IPO11: variants seen among roughly 807,000 people sequenced by gnomAD.
IPO11 encodes importin-11.
In IPO11, 66 loss-of-function variants were observed where a neutral mutation model predicts 143.2. The ratio of observed to expected loss-of-function variants is 0.46; its 90% CI spans 0.38 to 0.57. IPO11 has a LOEUF of 0.57. Among genes scored for constraint, IPO11 ranks in the 20% least tolerant of loss-of-function variants. The pLI, the probability that IPO11 is intolerant of heterozygous loss-of-function variation, is 0.00. For synonymous variants in IPO11, 385 were observed against 377.8 expected (o/e 1.02, Z -0.22); for missense variants, 1,026 against 1,141.0 (o/e 0.90, Z 1.45).
intron 29 of IPO11, among the ~76,000 whole-genome samples, chr5:62,621,011 C>T (rs1464957351): frequency 1.3e-5 from 2 of 152,104 alleles, no homozygotes; most frequent in Non-Finnish European, 2.9e-5. Context: ...AGAATGAGTA[C>T]GAGTAGTTTA....
At chr5:62,600,118 A>G (rs1225759648) in intron 28 of IPO11, among the ~76,000 whole-genome samples, 1 of 152,206 alleles carries the variant, frequency 6.6e-6, no homozygotes, top group Non-Finnish European at 1.5e-5. Flanking sequence ...GGCTCACTGC[A>G]ACCTCCACCT....
At chr5:62,501,533 AATTT>A (rs1268339311) in intron 16 of IPO11, among the ~76,000 whole-genome samples, 3 of 152,134 alleles carry the variant, frequency 2.0e-5, no homozygotes, top group African/African-American at 7.2e-5. Flanking sequence ...AAAGGAGATG[AATTT>A]ATTTATTTAT....
At chr5:62,471,070 T>G (rs565212353) in intron 7 of IPO11, among the ~76,000 whole-genome samples, 2 of 151,828 alleles carry the variant, frequency 1.3e-5, no homozygotes, top group African/African-American at 4.8e-5. Context: ...TCAAGTGATC[T>G]GCCCTTTTTG....
Position 62,476,706 on chromosome 5 carries a change from G to T in IPO11, c.781G>T (p.Val261Leu). 1.3e-6 allele frequency: 2 copies of T among 1,521,932 alleles called. No individual in the cohort carries two copies. Among genetic ancestry groups the T allele is most frequent in the Non-Finnish European group, 1.8e-6 (2 of 1,133,016 alleles). The allele number at this position is 1,521,932 out of a possible 1,614,324, so 94.3% of individuals were successfully genotyped here. A position where few individuals can be genotyped will look rare whatever the true frequency, so the allele number is the denominator to read the frequency against. The change falls in exon 9 of 30, where the codon GTG becomes TTG. Residue 261 changes from valine to leucine, a missense_variant. Physicochemically the swap from Val to Leu is conservative, Grantham distance 32. Coordinates refer to ENST00000325324, the MANE Select transcript of IPO11 (RefSeq NM_016338.5). Reference sequence around the variant, plus strand: ...AGGTAGAAGTATAGGTACAGATAATGTGTGTAGAGATAGACTGGAAAAGAC... The same window carrying T: ...AGGTAGAAGTATAGGTACAGATAATTTGTGTAGAGATAGACTGGAAAAGAC... ...ECSRSIGTDN[V>L]CRDRLEKTII...
intron 28 of IPO11, among the ~76,000 whole-genome samples, chr5:62,593,161 T>G (rs1242309465): frequency 1.7e-5 from 2 of 114,680 alleles, no homozygotes; most frequent in African/African-American, 7.8e-5. Flanking sequence ...GTTCTAGATT[T>G]TGCTTTAATA....
Position 62,484,048 on chromosome 5 carries a change from A to G in IPO11, c.1060A>G (p.Met354Val), listed in dbSNP as rs1172406937. Residue 354 changes from methionine to valine, a missense_variant, in exon 11 of 30, where the codon ATG (methionine) becomes GTG (valine). Around this residue, in one of 5 missense-constraint regions of IPO11, gnomAD observed 429 missense variants for 456.3 expected, o/e 0.94. Coordinates refer to ENST00000325324, the MANE Select transcript of IPO11 (RefSeq NM_016338.5). ...PETLEAHKIK[M>V]AFFTYPTLTE... The stretch of plus-strand genomic sequence containing the variant: ...AACTCTTGAAGCCCATAAGATTAAG[A>G]TGGCATTCTTCACATATCCTACTTT... 6.2e-7 allele frequency: 1 copy of G among 1,609,206 alleles called. No individual in the cohort carries two copies. The highest frequency in any genetic ancestry group is 8.5e-7 in the Non-Finnish European group (1 of 1,178,500).
chr5:62,543,996 TTGAG>T (rs1181714420), intron 24 of IPO11, among the ~76,000 whole-genome samples: 9 of 152,294 alleles, frequency 5.9e-5, no homozygotes, highest in African/African-American at 2.2e-4. Flanking sequence ...TTGAGCGGTT[TTGAG>T]TGAGTGAGTT....
At chr5:62,457,701 A>C (rs1425464176) in intron 5 of IPO11, among the ~76,000 whole-genome samples, 1 of 152,048 alleles carries the variant, frequency 6.6e-6, no homozygotes, top group Non-Finnish European at 1.5e-5. Flanking sequence ...TTGCAGACTT[A>C]CTCCTTGTCA....
chr5:62,468,732 C>T (rs1745653109), intron 6 of IPO11, among the ~76,000 whole-genome samples: 1 of 152,174 alleles, frequency 6.6e-6, no homozygotes, highest in Non-Finnish European at 1.5e-5. Context: ...TTTACTATAT[C>T]TTTGCCTGCC....
chr5:62,518,445 A>C (rs1742098270), intron 20 of IPO11, among the ~76,000 whole-genome samples: 1 of 145,602 alleles, frequency 6.9e-6, no homozygotes, highest in Non-Finnish European at 1.5e-5. Context: ...CTCTGTCTCA[A>C]AAAAAAAAAA....
In IPO11 at chr5:62,435,190, G is replaced by GTGTA. The variant is rs1561309153; in HGVS notation, c.-6-2083_-6-2082insGTAT. On this transcript the variant is annotated intron_variant, in intron 1 of 29. Transcript: ENST00000325324. ...TATATATGTATATATGTATATATATGTATATATATGTATATATATGTGTAT... is the reference window on the plus strand; with the variant it reads ...TATATATGTATATATGTATATATATGTGTATATATATATGTATATATATGTGTAT... Among the ~76,000 whole-genome samples, 12 of 101,760 alleles carry GTGTA rather than the reference G, an allele frequency of 1.2e-4. 1 individual carries two copies. The East Asian group carries it at 2.4e-3, about 20-fold the overall frequency. The allele number at this position is 101,760 out of a possible 152,430, so 66.8% of individuals were successfully genotyped here. A position where few individuals can be genotyped will look rare whatever the true frequency, so the allele number is the denominator to read the frequency against.
chr5:62,524,046 TTTAA>T (rs1196913757), intron 20 of IPO11, among the ~76,000 whole-genome samples: 1 of 152,162 alleles, frequency 6.6e-6, no homozygotes, highest in African/African-American at 2.4e-5. Flanking sequence ...TTCTCCCCTC[TTTAA>T]TTATTCCTGG....
At chr5:62,561,495 AT>A in intron 27 of IPO11, among the ~76,000 whole-genome samples, 1 of 151,900 alleles carries the variant, frequency 6.6e-6, no homozygotes, top group South Asian at 2.1e-4. Context: ...CATTTTACAA[AT>A]TTATTTCATT....
At chr5:62,518,262 G>A (rs969762171) in intron 20 of IPO11, among the ~76,000 whole-genome samples, 6 of 152,052 alleles carry the variant, frequency 3.9e-5, no homozygotes, top group Admixed American at 1.3e-4. Context: ...TGGCCAACAT[G>A]GTGAAACCCC....
intron 27 of IPO11, among the ~76,000 whole-genome samples, chr5:62,586,110 T>C (rs1744761325): frequency 6.6e-6 from 1 of 152,150 alleles, no homozygotes; most frequent in African/African-American, 2.4e-5. Flanking sequence ...TACTTAGGGT[T>C]ACAGAGCTTA....
intron 11 of IPO11, 66 bp downstream of exon 11, chr5:62,484,228 A>G: frequency 7.5e-7 from 1 of 1,337,780 alleles, no homozygotes; most frequent in Non-Finnish European, 1.0e-6. Context: ...TGTTTGAGTG[A>G]TAGGTATAAT....
chr5:62,470,458 G>T, intron 7 of IPO11, 150 bp downstream of exon 7: 1 of 699,638 alleles, frequency 1.4e-6, no homozygotes, highest in South Asian at 1.8e-5. Flanking sequence ...TAGACTTCTG[G>T]TCTGTTTTCA....
intron 1 of IPO11, among the ~76,000 whole-genome samples, chr5:62,414,065 G>T (rs1561299981): frequency 6.6e-6 from 1 of 152,222 alleles, no homozygotes; most frequent in African/African-American, 2.4e-5. Flanking sequence ...CAGGGTAGGA[G>T]GGTGGTCTCC....
Position 62,451,890 on chromosome 5 carries a change from T to G in IPO11, c.473T>G (p.Leu158Arg). The G allele has an allele frequency of 6.2e-7, 1 of 1,614,106 alleles. No homozygotes were observed. Among genetic ancestry groups the G allele is most frequent in the Non-Finnish European group, 8.5e-7 (1 of 1,179,916 alleles). ...ACCTTCTATCATGTTACCAAGACACTGGCATCTAAACGACTTGCTGCTGAT... is the reference window on the plus strand; with the variant it reads ...ACCTTCTATCATGTTACCAAGACACGGGCATCTAAACGACTTGCTGCTGAT... ...LLTFYHVTKT[L>R]ASKRLAADRK... Residue 158 changes from leucine (L) to arginine (R), a missense_variant, in exon 5 of 30, where the codon CTG (leucine) becomes CGG (arginine). Leu to Arg is a moderately radical substitution (Grantham distance 102, BLOSUM62 -2). Around this residue, in one of 5 missense-constraint regions of IPO11, gnomAD observed 429 missense variants for 456.3 expected, o/e 0.94. Transcript: ENST00000325324.
Sources: gnomAD v4.1 joint callset for allele counts (sites outside exome capture counted in the v4.1 genomes callset) on GRCh38, gnomAD v4.1.1 for gene constraint, gnomAD v4.1.1 regional missense constraint, MANE v1.5 for transcripts, NCBI Gene and HGNC (gene_info 2026-07-23, HGNC 2026-07-21) for gene names.